ABCG2: variants seen among roughly 807,000 people sequenced by gnomAD.
ABCG2 encodes ATP binding cassette subfamily G member 2 (JR blood group), also known as broad substrate specificity ATP-binding cassette transporter ABCG2.
A neutral mutation model predicts 73.5 loss-of-function variants in ABCG2; 80 were observed. The observed-to-expected ratio is 1.09, with a 90% CI of 0.91 to 1.31. The LOEUF (loss-of-function observed/expected upper bound fraction) is 1.31. ABCG2 is among the 50% of genes most tolerant of loss of function. ABCG2 has a pLI of 0.00. For missense variants in ABCG2, 796 were observed against 786.2 expected, an observed-to-expected ratio of 1.01 and a Z score of -0.15; for synonymous variants, 269 against 282.4, an observed-to-expected ratio of 0.95 and a Z score of 0.48.
chr4:88,101,356 C>T, intron 10 of ABCG2, 37 bp from the exon 11 acceptor site: 1 of 1,559,054 alleles, frequency 6.4e-7, no homozygotes, highest in Non-Finnish European at 8.8e-7. Context: ...CCGCAGTCAA[C>T]TCAGCATTCT....
intron 1 of ABCG2, among the ~76,000 whole-genome samples, chr4:88,227,318 C>A (rs1730260145): frequency 6.6e-6 from 1 of 152,018 alleles, no homozygotes; most frequent in African/African-American, 2.4e-5. Context: ...ACTGCTTGAA[C>A]CCAGGAGATG....
intron 1 of ABCG2, among the ~76,000 whole-genome samples, chr4:88,149,615 G>T (rs1726302948): frequency 6.6e-6 from 1 of 152,166 alleles, no homozygotes; most frequent in Admixed American, 6.5e-5. Context: ...ACTTTGGGAG[G>T]CCGAGGCAGG....
At chr4:88,185,309 A>G (rs1177274996) in intron 1 of ABCG2, among the ~76,000 whole-genome samples, 1 of 152,234 alleles carries the variant, frequency 6.6e-6, no homozygotes, top group Non-Finnish European at 1.5e-5. Flanking sequence ...GGTTGCAGTG[A>G]GCTGATATTG....
chr4:88,168,356 A>G (rs1164341560), intron 1 of ABCG2, among the ~76,000 whole-genome samples: 6 of 152,114 alleles, frequency 3.9e-5, no homozygotes, highest in South Asian at 2.1e-4. Context: ...GCATGGTGGC[A>G]TGCGCCTGTA....
chr4:88,131,269 C>T, intron 4 of ABCG2, 56 bp from the exon 5 acceptor site: 3 of 1,554,462 alleles, frequency 1.9e-6, no homozygotes, highest in Non-Finnish European at 2.7e-6. Context: ...TTTCTAAGAC[C>T]ATGACTGTTT....
Position 88,097,572 on chromosome 4 carries a change from T to C in ABCG2, c.1528A>G (p.Met510Val), listed in dbSNP as rs777002612. ...KPKADAFFVM[M>V]FTLMMVAYSA... ...TAAGCCACCATCATAAGGGTAAACATCATAACGAAGAAGGCATCTGCCTTT... is the reference window on the plus strand; with the variant it reads ...TAAGCCACCATCATAAGGGTAAACACCATAACGAAGAAGGCATCTGCCTTT... The change falls in exon 13 of 16, where the codon ATG becomes GTG. Residue 510 changes from methionine to valine, a missense_variant. By Grantham distance (21) the Met-to-Val change is conservative (BLOSUM62 1). Transcript: ENST00000237612. The C allele has an allele frequency of 9.9e-6, 16 of 1,613,954 alleles. No homozygotes were observed. The highest frequency in any genetic ancestry group is 1.7e-5 in the Admixed American group (1 of 60,000).
intron 5 of ABCG2, among the ~76,000 whole-genome samples, chr4:88,126,572 A>G (rs1724422672): frequency 6.6e-6 from 1 of 152,230 alleles, no homozygotes; most frequent in African/African-American, 2.4e-5. Flanking sequence ...CAAAAACCTT[A>G]TCCACCATGA....
At chr4:88,117,224 G>A (rs914419463) in intron 7 of ABCG2, among the ~76,000 whole-genome samples, 2 of 152,032 alleles carry the variant, frequency 1.3e-5, no homozygotes, top group East Asian at 3.9e-4. Flanking sequence ...CTTGGGTGAG[G>A]TGGGAGGATG....
intron 1 of ABCG2, among the ~76,000 whole-genome samples, chr4:88,149,411 G>A (rs888595996): frequency 2.0e-5 from 3 of 152,158 alleles, no homozygotes; most frequent in African/African-American, 7.2e-5. Flanking sequence ...CAGAGGGAAC[G>A]GAGATGTTCA....
rs1227904749 is a variant in ABCG2 at position 88,121,532 on chromosome 4, G to A, written c.689+103C>T. On this transcript the variant is annotated intron_variant, in intron 6 of 15. Transcript: ENST00000237612. Reference sequence around the variant, plus strand: ...ACTGACTTTCACTCCAACAGAAGAGGAAGAAATTACTTTGATCATTTCTGA... The same window carrying A: ...ACTGACTTTCACTCCAACAGAAGAGAAAGAAATTACTTTGATCATTTCTGA... The A allele has an allele frequency of 3.7e-6, 4 of 1,093,928 alleles. No individual in the cohort carries two copies. The African/African-American group carries it at 6.4e-5, about 18-fold the overall frequency. 67.8% of individuals were successfully genotyped at this position (1,093,928 alleles called of 1,614,324 possible).
intron 10 of ABCG2, among the ~76,000 whole-genome samples, chr4:88,101,874 A>G (rs1272017705): frequency 1.3e-5 from 2 of 152,258 alleles, no homozygotes; most frequent in Non-Finnish European, 2.9e-5. Context: ...CACTTGCTCT[A>G]TGGTATTTTG....
intron 1 of ABCG2, among the ~76,000 whole-genome samples, chr4:88,228,863 T>G (rs888820630): frequency 1.2e-5 from 1 of 83,470 alleles, no homozygotes; most frequent in African/African-American, 4.2e-5. Context: ...TAAAGGATTG[T>G]AAATGCACCA....
chr4:88,201,798 GT>G, intron 1 of ABCG2: 1 of 152,262 alleles, frequency 6.6e-6, no homozygotes, highest in South Asian at 2.1e-4. Flanking sequence ...TTTGTGAAGT[GT>G]TCCCTATTTA....
At chr4:88,190,352 C>T (rs772609388) in intron 1 of ABCG2, among the ~76,000 whole-genome samples, 5 of 152,294 alleles carry the variant, frequency 3.3e-5, no homozygotes, top group South Asian at 2.1e-4. Context: ...CCCTAATCTC[C>T]GTTTGACCTC....
intron 1 of ABCG2, among the ~76,000 whole-genome samples, chr4:88,174,471 T>G (rs1247320604): frequency 1.3e-5 from 2 of 152,200 alleles, no homozygotes; most frequent in Non-Finnish European, 2.9e-5. Flanking sequence ...GCTTCCAGCT[T>G]CATCCATGTC....
At chr4:88,103,066 A>C (rs893362295) in intron 10 of ABCG2, among the ~76,000 whole-genome samples, 1 of 152,208 alleles carries the variant, frequency 6.6e-6, no homozygotes, top group African/African-American at 2.4e-5. Flanking sequence ...AATGTAAGCC[A>C]CGGTGCCCAG....
chr4:88,188,999 G>A (rs1728576675), intron 1 of ABCG2, among the ~76,000 whole-genome samples: 1 of 144,564 alleles, frequency 6.9e-6, no homozygotes, highest in Non-Finnish European at 1.5e-5. Context: ...GGTGACAGAA[G>A]CAAGACCATG....
At chr4:88,216,206 A>G (rs978626017) in intron 1 of ABCG2, among the ~76,000 whole-genome samples, 1 of 152,128 alleles carries the variant, frequency 6.6e-6, no homozygotes, top group Non-Finnish European at 1.5e-5. Flanking sequence ...AGGCACAAAG[A>G]TCTCTAGTGA....
intron 1 of ABCG2, among the ~76,000 whole-genome samples, chr4:88,164,503 G>C (rs1004531651): frequency 5.3e-5 from 8 of 152,092 alleles, no homozygotes; most frequent in Non-Finnish European, 1.2e-4. Flanking sequence ...TTCATAAGGG[G>C]CTTTTCCCCT....
Sources: gnomAD v4.1 joint callset for allele counts (sites outside exome capture counted in the v4.1 genomes callset) on GRCh38, gnomAD v4.1.1 for gene constraint, MANE v1.5 for transcripts, NCBI Gene and HGNC (gene_info 2026-07-23, HGNC 2026-07-21) for gene names.